Variants in OR3A2 observed in about 807,000 individuals in gnomAD.
OR3A2 encodes the protein olfactory receptor 3A2.
For synonymous variants in OR3A2, 126 were observed against 159.3 expected (o/e 0.79, Z 1.57); for missense variants, 318 against 392.8 (o/e 0.81, Z 1.61).
intron 2 of OR3A2, among the ~76,000 whole-genome samples, chr17:3,340,443 G>A (rs1456029156): frequency 6.6e-6 from 1 of 152,120 alleles, no homozygotes; most frequent in Non-Finnish European, 1.5e-5. Flanking sequence ...CTTTAAATGT[G>A]TCCCAGAGAT....
chr17:3,280,822 T>C (rs1176918546), intron 1 of OR3A2, among the ~76,000 whole-genome samples: 1 of 152,196 alleles, frequency 6.6e-6, no homozygotes, highest in Non-Finnish European at 1.5e-5. Context: ...GTATGACTGA[T>C]ATGACTGCCT....
chr17:3,365,037 A>G (rs1439505946), intron 2 of OR3A2, among the ~76,000 whole-genome samples: 2 of 152,230 alleles, frequency 1.3e-5, no homozygotes, highest in African/African-American at 4.8e-5. Flanking sequence ...GAAATGGTCT[A>G]ATGATGACCA....
At chr17:3,309,253 C>G (rs1251788757) in intron 3 of OR3A2, among the ~76,000 whole-genome samples, 2 of 152,088 alleles carry the variant, frequency 1.3e-5, no homozygotes, top group African/African-American at 4.8e-5. Context: ...AAAGCATTAC[C>G]TAAGTGATCA....
In OR3A2 at chr17:3,367,602, T is replaced by C. The variant is rs765686974; in HGVS notation, c.-179+16202A>G. Among the ~76,000 whole-genome samples the C allele has an allele frequency of 3.3e-3, 178 of 53,490 alleles. 1 individual carries two copies. Among genetic ancestry groups the C allele is most frequent in the Non-Finnish European group, 6.0e-3 (147 of 24,480 alleles). 35.1% of individuals were successfully genotyped at this position (53,490 alleles called of 152,430 possible). A position where few individuals can be genotyped will look rare whatever the true frequency, so the allele number is the denominator to read the frequency against. The stretch of plus-strand genomic sequence containing the variant: ...GTATATGTATATGTGTGTGTGTGTG[T>C]ATATATATATATATATATATGCCAT... On this transcript the variant is annotated intron_variant, in intron 2 of 4. Transcript: ENST00000573491.
chr17:3,304,761 G>T (rs914696606), intron 3 of OR3A2, among the ~76,000 whole-genome samples: 1 of 152,192 alleles, frequency 6.6e-6, no homozygotes, highest in African/African-American at 2.4e-5. Context: ...TTTCATAGGA[G>T]AATTCTACCA....
chr17:3,292,225 C>T (rs748830456), intron 3 of OR3A2: 27 of 1,614,070 alleles, frequency 1.7e-5, no homozygotes, highest in South Asian at 4.4e-5. Flanking sequence ...TAGGCCATGG[C>T]GGTCAGCAGG....
Position 3,292,704 on chromosome 17 carries a change from C to T in OR3A2, c.-84-13551G>A, listed in dbSNP as rs923285689. ...GGCCCTCTGCCACGTTCCCTCTGTA[C>T]AAGTAAGGAATTTTGCGCTCCTTAG... On this transcript the variant is annotated intron_variant, in intron 3 of 4. Transcript: ENST00000573491. The T allele has an allele frequency of 1.8e-5, 15 of 828,882 alleles. No individual in the cohort carries two copies. The African/African-American group carries it at 2.1e-4, about 11-fold the overall frequency. The allele number at this position is 828,882 out of a possible 1,614,324, so 51.3% of individuals were successfully genotyped here.
chr17:3,382,050 G>T (rs1197942976), intron 2 of OR3A2, among the ~76,000 whole-genome samples: 1 of 152,180 alleles, frequency 6.6e-6, no homozygotes, highest in Non-Finnish European at 1.5e-5. Flanking sequence ...TGAGGTGTTC[G>T]TGTGGGCTGG....
At chr17:3,329,436 T>C (rs2049209392) in intron 3 of OR3A2, among the ~76,000 whole-genome samples, 1 of 149,018 alleles carries the variant, frequency 6.7e-6, no homozygotes, top group Admixed American at 6.8e-5. Flanking sequence ...TGGTTTAGTC[T>C]TGGGAGAGTG....
intron 3 of OR3A2, among the ~76,000 whole-genome samples, chr17:3,301,101 T>C (rs2048962024): frequency 1.3e-5 from 2 of 152,182 alleles, no homozygotes; most frequent in South Asian, 4.1e-4. Context: ...CTGATGGACA[T>C]TTGGGTTGGT....
intron 2 of OR3A2, among the ~76,000 whole-genome samples, chr17:3,348,860 G>T (rs555127524): frequency 6.6e-6 from 1 of 152,166 alleles, no homozygotes; most frequent in African/African-American, 2.4e-5. Context: ...AGCCAGAAGA[G>T]AGTGGGGGCC....
chr17:3,338,067 GTCT>G (rs1300727595), intron 2 of OR3A2, among the ~76,000 whole-genome samples: 2 of 152,184 alleles, frequency 1.3e-5, no homozygotes, highest in African/African-American at 2.4e-5. Context: ...CTGCATAAAT[GTCT>G]TCTTTTGAAA....
At chr17:3,330,421 G>T (rs2049220527) in intron 3 of OR3A2, among the ~76,000 whole-genome samples, 1 of 151,658 alleles carries the variant, frequency 6.6e-6, no homozygotes, top group Non-Finnish European at 1.5e-5. Flanking sequence ...ATATATTTAG[G>T]ATAGTTAGCT....
At chr17:3,332,106 A>T (rs7219924) in intron 3 of OR3A2, among the ~76,000 whole-genome samples, 22,610 of 151,036 alleles carry the variant, frequency 0.15, 2,267 homozygotes, top group African/African-American at 0.28. Context: ...GGAGAACCAC[A>T]GCTCTCTTCA....
chr17:3,367,589 G>A (rs1018484907), intron 2 of OR3A2, among the ~76,000 whole-genome samples: 3 of 101,232 alleles, frequency 3.0e-5, no homozygotes, highest in Non-Finnish European at 3.8e-5. Context: ...ATATGTATAT[G>A]TGTGTGTGTG....
intron 1 of OR3A2, 32 bp from the exon 5 acceptor site, chr17:3,278,955 C>A (rs778457397): frequency 1.3e-6 from 2 of 1,565,852 alleles, no homozygotes; most frequent in Non-Finnish European, 1.7e-6. Flanking sequence ...GGGGAGGTAT[C>A]AGTTCACTCA....
At chr17:3,320,063 C>T (rs1264983540) in intron 3 of OR3A2, among the ~76,000 whole-genome samples, 13 of 152,190 alleles carry the variant, frequency 8.5e-5, no homozygotes, top group African/African-American at 2.2e-4. Flanking sequence ...TTTTAATGAT[C>T]GCCATTCTAA....
At chr17:3,361,268 T>C (rs981951769) in intron 2 of OR3A2, among the ~76,000 whole-genome samples, 1 of 151,134 alleles carries the variant, frequency 6.6e-6, no homozygotes, top group African/African-American at 2.5e-5. Flanking sequence ...TGATTTTGTA[T>C]CCTGAGACTT....
At chr17:3,298,989 T>G (rs1409517809) in intron 3 of OR3A2, among the ~76,000 whole-genome samples, 1 of 152,232 alleles carries the variant, frequency 6.6e-6, no homozygotes, top group Non-Finnish European at 1.5e-5. Context: ...TGATGCCTTA[T>G]GACTTTGTGA....
Sources: gnomAD v4.1 joint callset for allele counts (sites outside exome capture counted in the v4.1 genomes callset) on GRCh38, gnomAD v4.1.1 for gene constraint, MANE v1.5 for transcripts, NCBI Gene and HGNC (gene_info 2026-07-23, HGNC 2026-07-21) for gene names.